PRIMA1: variants seen among roughly 807,000 people sequenced by gnomAD.
PRIMA1 encodes proline-rich membrane anchor 1.
In PRIMA1, 7 loss-of-function variants were observed where a neutral mutation model predicts 17.5. The ratio of observed to expected loss-of-function variants is 0.40; its 90% CI spans 0.23 to 0.75. PRIMA1 has a LOEUF of 0.75. PRIMA1 is among the 30% of genes least tolerant of loss of function. The pLI is 0.37. For missense variants in PRIMA1, 200 were observed against 201.8 expected, an observed-to-expected ratio of 0.99 and a Z score of 0.05; for synonymous variants, 97 against 77.9, an observed-to-expected ratio of 1.25 and a Z score of -1.29.
chr14:93,728,679 G>A (rs2076095072), intron 4 of PRIMA1, among the ~76,000 whole-genome samples: 1 of 152,148 alleles, frequency 6.6e-6, no homozygotes, highest in Admixed American at 6.5e-5. Flanking sequence ...TGCATTTCTT[G>A]ATGACAAAAG....
At position 93,721,216 on chromosome 14, in the gene PRIMA1, A is replaced by G; in HGVS notation, c.*228T>C. 1 of 528,304 alleles carries G rather than the reference A, an allele frequency of 1.9e-6. No homozygotes were observed. The highest frequency in any genetic ancestry group is 3.4e-6 in the Non-Finnish European group (1 of 297,646). 32.7% of individuals were successfully genotyped at this position (528,304 alleles called of 1,614,324 possible). On this transcript the variant is annotated 3_prime_UTR_variant, in exon 5 of 5. Coordinates refer to ENST00000393140, the MANE Select transcript of PRIMA1 (RefSeq NM_178013.4). ...GATGTGGAGGGCCTGGGGTGGGGAC[A>G]CTGCCCAGGTGCTGCGCCGGGCTCA...
chr14:93,784,280 GC>G (rs1885460180), intron 2 of PRIMA1, among the ~76,000 whole-genome samples: 1 of 152,070 alleles, frequency 6.6e-6, no homozygotes, highest in Non-Finnish European at 1.5e-5. Flanking sequence ...CTACCTCTTT[GC>G]CCCTGCCTTA....
chr14:93,785,304 T>C (rs1885493305), intron 2 of PRIMA1, among the ~76,000 whole-genome samples: 1 of 151,694 alleles, frequency 6.6e-6, no homozygotes, highest in Non-Finnish European at 1.5e-5. Flanking sequence ...GGCTAAGGAA[T>C]GCTCCCACCA....
chr14:93,765,644 T>C (rs1414840007), intron 3 of PRIMA1, among the ~76,000 whole-genome samples: 1 of 152,034 alleles, frequency 6.6e-6, no homozygotes, highest in East Asian at 1.9e-4. Context: ...TCACTGGAAT[T>C]TGGGGAAAGA....
At chr14:93,736,340 A>T (rs2141160395) in intron 4 of PRIMA1, among the ~76,000 whole-genome samples, 1 of 152,312 alleles carries the variant, frequency 6.6e-6, no homozygotes, top group South Asian at 2.1e-4. Context: ...TGCAAAATGG[A>T]GCTGACTGGG....
chr14:93,725,910 G>A (rs1433569804), intron 4 of PRIMA1: 2 of 456,226 alleles, frequency 4.4e-6, no homozygotes, highest in African/African-American at 2.0e-5. Context: ...GCAGCTCTGT[G>A]AGTCAGCTGA....
intron 3 of PRIMA1, among the ~76,000 whole-genome samples, chr14:93,741,073 A>G (rs2141164035): frequency 6.6e-6 from 1 of 152,358 alleles, no homozygotes; most frequent in East Asian, 1.9e-4. Context: ...GTGTATGAGA[A>G]AACTACCAGA....
intron 3 of PRIMA1, among the ~76,000 whole-genome samples, chr14:93,747,605 G>A (rs1051984715): frequency 1.3e-5 from 2 of 151,158 alleles, no homozygotes; most frequent in African/African-American, 4.9e-5. Context: ...GTGTATGAGT[G>A]TGTGAGAGTG....
Position 93,737,789 on chromosome 14 carries a change from C to A in PRIMA1, c.230-419G>T, listed in dbSNP as rs141284271. 2.3e-3 allele frequency among the ~76,000 whole-genome samples: 354 copies of A among 152,350 alleles called. 2 individuals are homozygous for A. Among genetic ancestry groups the A allele is most frequent in the South Asian group, 0.022 (105 of 4,830 alleles). ...GCCTCTGAGCGCCTCCATCCCTGCCCCGGCGTGCTCAGAGCAGGGGCTGAG... is the reference window on the plus strand; with the variant it reads ...GCCTCTGAGCGCCTCCATCCCTGCCACGGCGTGCTCAGAGCAGGGGCTGAG... On this transcript the variant is annotated intron_variant, in intron 3 of 4. Coordinates refer to ENST00000393140, the MANE Select transcript of PRIMA1 (RefSeq NM_178013.4).
At chr14:93,759,616 G>T (rs1256838709) in intron 3 of PRIMA1, among the ~76,000 whole-genome samples, 75 of 152,100 alleles carry the variant, frequency 4.9e-4, no homozygotes, top group Admixed American at 4.9e-3. Context: ...GAGAGGGAGG[G>T]GAGGGAAAGG....
chr14:93,760,938 C>G (rs909734493), intron 3 of PRIMA1, among the ~76,000 whole-genome samples: 2 of 152,084 alleles, frequency 1.3e-5, no homozygotes, highest in African/African-American at 4.8e-5. Flanking sequence ...CTTACTACCC[C>G]CACCCCAATC....
At chr14:93,738,024 T>C (rs1475542671) in intron 3 of PRIMA1, among the ~76,000 whole-genome samples, 1 of 152,118 alleles carries the variant, frequency 6.6e-6, no homozygotes, top group Non-Finnish European at 1.5e-5. Flanking sequence ...GTCCGTTTCT[T>C]GAGCTAATTT....
At chr14:93,735,335 C>A (rs1296572759) in intron 4 of PRIMA1, among the ~76,000 whole-genome samples, 9 of 152,216 alleles carry the variant, frequency 5.9e-5, no homozygotes, top group Non-Finnish European at 1.2e-4. Context: ...GGCTTCCCAG[C>A]CTCATCTCCT....
chr14:93,727,729 A>AT (rs1595190123), intron 4 of PRIMA1, among the ~76,000 whole-genome samples: 1 of 152,218 alleles, frequency 6.6e-6, no homozygotes, highest in Non-Finnish European at 1.5e-5. Flanking sequence ...ACATGTGGGC[A>AT]TGCCCTTGGA....
At chr14:93,729,914 G>A (rs771649868) in intron 4 of PRIMA1, among the ~76,000 whole-genome samples, 2 of 151,884 alleles carry the variant, frequency 1.3e-5, no homozygotes, top group Non-Finnish European at 2.9e-5. Context: ...GAGAGGGAGG[G>A]GGCAGGAATG....
At chr14:93,773,571 A>C (rs1477850001) in intron 3 of PRIMA1, among the ~76,000 whole-genome samples, 1 of 152,236 alleles carries the variant, frequency 6.6e-6, no homozygotes, top group Non-Finnish European at 1.5e-5. Context: ...CCCAGACTCA[A>C]AGTGAGGGTT....
At chr14:93,762,970 A>C (rs1040603660) in intron 3 of PRIMA1, among the ~76,000 whole-genome samples, 5 of 152,012 alleles carry the variant, frequency 3.3e-5, no homozygotes, top group African/African-American at 1.2e-4. Flanking sequence ...GCCTCCACTC[A>C]AATGCCACCT....
At chr14:93,787,514 C>A in intron 2 of PRIMA1, 112 bp downstream of exon 2, 1 of 1,464,350 alleles carries the variant, frequency 6.8e-7, no homozygotes, top group Non-Finnish European at 9.2e-7. Flanking sequence ...CAAGCTCTTC[C>A]GAGAACCAAT....
At chr14:93,725,968 CAG>C (rs1046690951) in intron 4 of PRIMA1, 3 of 456,416 alleles carry the variant, frequency 6.6e-6, no homozygotes, top group African/African-American at 6.0e-5. Flanking sequence ...CTGGTCCAGG[CAG>C]AGATGGCCAC....
Sources: allele counts gnomAD v4.1 joint callset (sites outside exome capture counted in the v4.1 genomes callset), GRCh38; gene constraint gnomAD v4.1.1; transcripts MANE v1.5; gene names NCBI Gene and HGNC (gene_info 2026-07-23, HGNC 2026-07-21).